Variants in CIMAP1A observed in about 807,000 individuals in gnomAD.
The protein encoded by CIMAP1A is ciliary microtubule associated protein 1A.
the CIMAP1A span, chr11:199,749 G>A: frequency 2.1e-6 from 3 of 1,436,232 alleles, no homozygotes; most frequent in African/African-American, 2.9e-5. Flanking sequence ...GGACATGGAA[G>A]CAGAGACCCT....
chr11:198,920 G>C, the CIMAP1A span: 5 of 1,210,578 alleles, frequency 4.1e-6, no homozygotes, highest in South Asian at 2.3e-5. Flanking sequence ...GAGCTATTTG[G>C]GGGAGGAGGG....
the CIMAP1A span, chr11:198,313 C>T: frequency 1.2e-6 from 2 of 1,613,840 alleles, no homozygotes; most frequent in Admixed American, 1.7e-5. Context: ...CCGCAGCAGC[C>T]CCAACCATCC....
the CIMAP1A span, chr11:198,407 C>T: frequency 6.2e-7 from 1 of 1,613,140 alleles, no homozygotes; most frequent in South Asian, 1.1e-5. Flanking sequence ...GGGGGAGAGC[C>T]CCAGGGAAGG....
the CIMAP1A span, chr11:199,125 G>C: frequency 7.2e-7 from 1 of 1,385,090 alleles, no homozygotes; most frequent in Non-Finnish European, 9.4e-7. Context: ...TCCCAGGACT[G>C]GCACACACTG....
the CIMAP1A span, chr11:199,680 C>A: frequency 3.5e-6 from 5 of 1,434,832 alleles, no homozygotes; most frequent in Non-Finnish European, 4.6e-6. Context: ...GGATGGGAGG[C>A]ACCTGCACCC....
At chr11:200,139 C>T in the CIMAP1A span, 15 of 1,072,496 alleles carry the variant, frequency 1.4e-5, no homozygotes, top group African/African-American at 3.1e-5. Flanking sequence ...CCTGGCCCTG[C>T]AGGGCAGAGC....
At chr11:199,861 AC>A in the CIMAP1A span, 1 of 1,549,416 alleles carries the variant, frequency 6.5e-7, no homozygotes, top group Non-Finnish European at 8.7e-7. Context: ...TTCAGGAAGG[AC>A]AGCAGCCCAG....
At chr11:200,163 C>T in the CIMAP1A span, 5 of 752,490 alleles carry the variant, frequency 6.6e-6, no homozygotes, top group Non-Finnish European at 1.1e-5. Flanking sequence ...CTTGTTTGGG[C>T]AATTGTAATC....
chr11:199,489 G>A, the CIMAP1A span: 1 of 1,558,516 alleles, frequency 6.4e-7, no homozygotes, highest in Non-Finnish European at 8.7e-7. Context: ...GCCAGGACCA[G>A]GCGCCCACAG....
the CIMAP1A span, chr11:199,923 T>G: frequency 1.2e-6 from 2 of 1,613,372 alleles, no homozygotes; most frequent in Non-Finnish European, 1.7e-6. Context: ...CTGGTTCCTA[T>G]CATAGCCCCT....
the CIMAP1A span, chr11:196,984 C>A: frequency 5.1e-6 from 1 of 195,064 alleles, no homozygotes. Context: ...AAGAAGTTCC[C>A]CATCTTTGAC....
the CIMAP1A span, chr11:197,187 C>T: frequency 6.5e-5 from 44 of 675,102 alleles, no homozygotes; most frequent in Admixed American, 3.6e-4. Context: ...CAGCAGGTTC[C>T]GCAGGTCTTA....
chr11:197,681 T>G, the CIMAP1A span: 53 of 1,613,756 alleles, frequency 3.3e-5, no homozygotes, highest in African/African-American at 7.1e-4. Context: ...CCCAAGATAC[T>G]GAGGACTGGC....
the CIMAP1A span, chr11:200,002 A>G: frequency 1.9e-6 from 3 of 1,614,100 alleles, no homozygotes; most frequent in Non-Finnish European, 2.5e-6. Flanking sequence ...CACTCTGATT[A>G]CATGACTCCC....
the CIMAP1A span, chr11:198,823 G>A: frequency 1.4e-6 from 2 of 1,392,232 alleles, no homozygotes; most frequent in South Asian, 1.7e-5. Context: ...GACAAGAGAT[G>A]GGGTTTAGGA....
chr11:197,618 C>T, the CIMAP1A span: 1 of 1,613,410 alleles, frequency 6.2e-7, no homozygotes, highest in South Asian at 1.1e-5. Flanking sequence ...TTCCGTGGGG[C>T]CCCCATGCTC....
the CIMAP1A span, chr11:197,338 C>G: frequency 6.3e-7 from 1 of 1,591,064 alleles, no homozygotes; most frequent in Non-Finnish European, 8.6e-7. Flanking sequence ...TACCTGGAGG[C>G]CCCATCGCCC....
chr11:198,502 A>G, the CIMAP1A span: 1 of 1,613,210 alleles, frequency 6.2e-7, no homozygotes, highest in Non-Finnish European at 8.5e-7. Context: ...AATGGGGCCC[A>G]ATACCGTCGG....
the CIMAP1A span, chr11:197,534 G>A: frequency 6.2e-6 from 10 of 1,609,726 alleles, 1 homozygote; most frequent in Admixed American, 1.7e-4. Context: ...CAGGCTCCGG[G>A]CTGCTCAGGG....
Sources: allele counts gnomAD v4.1 joint callset, GRCh38; gene constraint gnomAD v4.1.1; transcripts MANE v1.5; gene names NCBI Gene and HGNC (gene_info 2026-07-23, HGNC 2026-07-21).